NUDT3: variants seen among roughly 807,000 people sequenced by gnomAD.
NUDT3 encodes the protein diphosphoinositol polyphosphate phosphohydrolase 1.
NUDT3 carries 9 observed loss-of-function variants against 23.6 expected under a neutral mutation model. The ratio of observed to expected loss-of-function variants is 0.38; its 90% CI spans 0.23 to 0.66. The LOEUF is 0.66. NUDT3 is among the 30% of genes least tolerant of loss of function. The pLI is 0.52. For missense variants in NUDT3, 172 were observed against 218.5 expected (o/e 0.79, Z 1.34); for synonymous variants, 86 against 82.6 (o/e 1.04, Z -0.22).
chr6:34,388,214 G>A (rs1765140395), intron 1 of NUDT3, among the ~76,000 whole-genome samples: 1 of 152,062 alleles, frequency 6.6e-6, no homozygotes. Context: ...ATTCTATGAT[G>A]TTTACACAAC....
At chr6:34,335,651 G>A (rs1764196947) in intron 2 of NUDT3, among the ~76,000 whole-genome samples, 2 of 150,832 alleles carry the variant, frequency 1.3e-5, no homozygotes, top group South Asian at 4.2e-4. Flanking sequence ...TATAGCATGG[G>A]AATATTTAAA....
At chr6:34,348,320 C>CA (rs1764412029) in intron 1 of NUDT3, among the ~76,000 whole-genome samples, 1 of 148,346 alleles carries the variant, frequency 6.7e-6, no homozygotes, top group Non-Finnish European at 1.5e-5. Flanking sequence ...AACCGCCCCC[C>CA]ACCAAAAAAA....
intron 2 of NUDT3, among the ~76,000 whole-genome samples, chr6:34,340,295 A>C (rs1408511065): frequency 2.0e-5 from 3 of 152,230 alleles, no homozygotes; most frequent in Non-Finnish European, 4.4e-5. Flanking sequence ...GTTACAGAAC[A>C]GTAAGGGGCA....
chr6:34,324,913 A>G (rs2113720806), intron 2 of NUDT3, among the ~76,000 whole-genome samples: 1 of 152,300 alleles, frequency 6.6e-6, no homozygotes, highest in East Asian at 1.9e-4. Flanking sequence ...GTGTTGAATT[A>G]CACTCGGCCA....
At chr6:34,386,905 G>A (rs1421119461) in intron 1 of NUDT3, among the ~76,000 whole-genome samples, 1 of 152,150 alleles carries the variant, frequency 6.6e-6, no homozygotes, top group Non-Finnish European at 1.5e-5. Context: ...CCTTAGTCCA[G>A]GAGTTCAAGA....
At chr6:34,297,747 ATATATATATATAATTTTTT>A (rs1763531257) in intron 2 of NUDT3, among the ~76,000 whole-genome samples, 2 of 111,040 alleles carry the variant, frequency 1.8e-5, no homozygotes, top group African/African-American at 7.7e-5. Flanking sequence ...ATATATATAT[ATATATATATATAATTTTTT>A]TTTTTTTTTT....
chr6:34,313,668 A>G (rs1053629234), intron 2 of NUDT3, among the ~76,000 whole-genome samples: 6 of 152,108 alleles, frequency 3.9e-5, no homozygotes, highest in African/African-American at 7.2e-5. Flanking sequence ...CGGCTTAAAA[A>G]AAAAAAAGTT....
chr6:34,300,062 G>T lies in NUDT3; in HGVS notation c.211-4377C>A, dbSNP rs917999286. ...CCTGCCCGGCCCTGCTTTTTTAAGAGAAAAAAACACAAGTGTCTCTTTTCC... is the reference window on the plus strand; with the variant it reads ...CCTGCCCGGCCCTGCTTTTTTAAGATAAAAAAACACAAGTGTCTCTTTTCC... On this transcript the variant is annotated intron_variant, in intron 2 of 4. Transcript: ENST00000607016. Among the ~76,000 whole-genome samples, 321 of 151,912 alleles carry T rather than the reference G, an allele frequency of 2.1e-3. 5 individuals are homozygous for T. The highest frequency in any genetic ancestry group is 2.1e-4 in the Non-Finnish European group (14 of 67,942).
In NUDT3 at chr6:34,392,452, G is replaced by C. The variant is rs569433268; in HGVS notation, c.-90C>G. ...GACGGCCGCGTGCGCGCGCGCCCCC[G>C]GCTCGGCCAAGGGAAGCAGGGAGGG... On this transcript the variant is annotated 5_prime_UTR_variant, in exon 1 of 5. Coordinates refer to ENST00000607016, the MANE Select transcript of NUDT3 (RefSeq NM_006703.4). The C allele has an allele frequency of 1.1e-6, 1 of 943,048 alleles. No individual in the cohort carries two copies. The highest frequency in any genetic ancestry group is 1.6e-6 in the Non-Finnish European group (1 of 627,736). The allele number at this position is 943,048 out of a possible 1,614,324, so 58.4% of individuals were successfully genotyped here. A position where few individuals can be genotyped will look rare whatever the true frequency, so the allele number is the denominator to read the frequency against.
In NUDT3 at chr6:34,341,845, C is replaced by T. The variant is rs1027984156; in HGVS notation, c.210+17G>A. 4 of 1,611,878 alleles carry T rather than the reference C, an allele frequency of 2.5e-6. No individual in the cohort carries two copies. Among genetic ancestry groups the T allele is most frequent in the Non-Finnish European group, 3.4e-6 (4 of 1,178,580 alleles). On this transcript the variant is annotated intron_variant, in intron 2 of 4. Transcript: ENST00000607016. ...TGATGACGAGGCACAGCTGTGCCCTCTCTTCTCCATGCATACCTCCTCACA... is the reference window on the plus strand; with the variant it reads ...TGATGACGAGGCACAGCTGTGCCCTTTCTTCTCCATGCATACCTCCTCACA...
intron 1 of NUDT3, among the ~76,000 whole-genome samples, chr6:34,369,456 G>A (rs979934606): frequency 6.6e-6 from 1 of 152,196 alleles, no homozygotes; most frequent in African/African-American, 2.4e-5. Context: ...TCAGACTTTT[G>A]TCTAAGCGAT....
chr6:34,312,634 T>C (rs1227131835), intron 2 of NUDT3, among the ~76,000 whole-genome samples: 3 of 152,186 alleles, frequency 2.0e-5, no homozygotes, highest in Non-Finnish European at 2.9e-5. Flanking sequence ...AAAACTTGCA[T>C]ATCAATGTGG....
intron 2 of NUDT3, among the ~76,000 whole-genome samples, chr6:34,329,964 A>G (rs534361148): frequency 1.4e-4 from 21 of 152,274 alleles, no homozygotes; most frequent in South Asian, 6.2e-4. Context: ...CCATGTCCCT[A>G]CAAAGGACAT....
chr6:34,342,044 A>G, intron 1 of NUDT3, 72 bp from the exon 2 acceptor site: 1 of 1,324,822 alleles, frequency 7.5e-7, no homozygotes, highest in East Asian at 2.4e-5. Context: ...CAGAGTTTAA[A>G]CACCACAAAC....
intron 1 of NUDT3, among the ~76,000 whole-genome samples, chr6:34,373,060 A>G (rs959721711): frequency 6.6e-6 from 1 of 151,946 alleles, no homozygotes; most frequent in Non-Finnish European, 1.5e-5. Context: ...CGGGCGAATC[A>G]CAAGCTCAGG....
chr6:34,316,666 A>G (rs1763866564), intron 2 of NUDT3, among the ~76,000 whole-genome samples: 1 of 152,152 alleles, frequency 6.6e-6, no homozygotes, highest in African/African-American at 2.4e-5. Flanking sequence ...TGTATTTCCA[A>G]CCATGGTGAT....
At chr6:34,327,769 G>C (rs1764064548) in intron 2 of NUDT3, among the ~76,000 whole-genome samples, 1 of 152,066 alleles carries the variant, frequency 6.6e-6, no homozygotes, top group Admixed American at 6.5e-5. Context: ...AGTGTTCCCT[G>C]ACTCCTCCAA....
chr6:34,321,944 TTTG>T (rs1335966057), intron 2 of NUDT3, among the ~76,000 whole-genome samples: 8 of 152,334 alleles, frequency 5.3e-5, no homozygotes, highest in South Asian at 2.1e-4. Flanking sequence ...TTAGTTTGTT[TTTG>T]TTGTTGTTGT....
intron 1 of NUDT3, among the ~76,000 whole-genome samples, chr6:34,365,588 A>C (rs1764714939): frequency 6.6e-6 from 1 of 152,222 alleles, no homozygotes; most frequent in African/African-American, 2.4e-5. Flanking sequence ...GATTCCACTT[A>C]TGAGATACCT....
Sources: allele counts gnomAD v4.1 joint callset (sites outside exome capture counted in the v4.1 genomes callset), GRCh38; gene constraint gnomAD v4.1.1; transcripts MANE v1.5; gene names NCBI Gene and HGNC (gene_info 2026-07-23, HGNC 2026-07-21).